SGCZ: variants seen among roughly 807,000 people sequenced by gnomAD.
The protein encoded by SGCZ is zeta-sarcoglycan.
In SGCZ, 40 loss-of-function variants were observed where a neutral mutation model predicts 41.3. The ratio of observed to expected loss-of-function variants is 0.97; its 90% CI spans 0.75 to 1.26. SGCZ has a LOEUF of 1.26. Ranked by LOEUF, SGCZ falls within the 50% of genes most tolerant of loss-of-function variation. The pLI is 0.00. For synonymous variants in SGCZ, 206 were observed against 137.5 expected (o/e 1.50, Z -3.49); for missense variants, 552 against 369.8 (o/e 1.49, Z -4.04).
intron 2 of SGCZ, among the ~76,000 whole-genome samples, chr8:14,383,079 A>T (rs922390399): frequency 3.3e-5 from 5 of 152,200 alleles, no homozygotes; most frequent in African/African-American, 1.2e-4. Context: ...GTCCCCAATC[A>T]TAAGAAGAAT....
intron 2 of SGCZ, among the ~76,000 whole-genome samples, chr8:14,364,898 AC>A (rs1374815801): frequency 6.6e-6 from 1 of 152,146 alleles, no homozygotes; most frequent in African/African-American, 2.4e-5. Flanking sequence ...TTCTTCTGAA[AC>A]TTATTTAAGA....
intron 2 of SGCZ, among the ~76,000 whole-genome samples, chr8:14,467,507 T>A (rs1381115000): frequency 5.3e-5 from 8 of 152,078 alleles, no homozygotes; most frequent in Admixed American, 5.2e-4. Flanking sequence ...TTCAGGAACA[T>A]ACAGGTGCCT....
chr8:14,217,061 G>T (rs969454230), intron 4 of SGCZ, among the ~76,000 whole-genome samples: 4 of 152,154 alleles, frequency 2.6e-5, no homozygotes, highest in African/African-American at 9.7e-5. Flanking sequence ...GCCGAGGTGG[G>T]TGGATCACGA....
intron 1 of SGCZ, among the ~76,000 whole-genome samples, chr8:14,841,419 T>C (rs1327969403): frequency 6.6e-6 from 1 of 152,154 alleles, no homozygotes; most frequent in Non-Finnish European, 1.5e-5. Context: ...GGATTCATAG[T>C]CATGGTATTT....
At chr8:14,135,467 T>C (rs1803167407) in intron 5 of SGCZ, among the ~76,000 whole-genome samples, 1 of 152,130 alleles carries the variant, frequency 6.6e-6, no homozygotes, top group East Asian at 1.9e-4. Context: ...ATAACAGGGC[T>C]TTCTCCCAGA....
At chr8:14,605,874 T>C (rs1805732813) in intron 1 of SGCZ, among the ~76,000 whole-genome samples, 1 of 152,174 alleles carries the variant, frequency 6.6e-6, no homozygotes, top group Non-Finnish European at 1.5e-5. Context: ...TGGCTCTTTG[T>C]GCTGGAATGA....
At chr8:14,325,512 T>C (rs985974805) in intron 2 of SGCZ, among the ~76,000 whole-genome samples, 2 of 147,748 alleles carry the variant, frequency 1.4e-5, no homozygotes, top group Non-Finnish European at 3.0e-5. Flanking sequence ...ATCATAATCA[T>C]ATATAATAGA....
chr8:15,023,585 A>G (rs77653670), intron 1 of SGCZ, among the ~76,000 whole-genome samples: 2,802 of 152,346 alleles, frequency 0.018, 84 homozygotes, highest in African/African-American at 0.065. Flanking sequence ...TATGTACAGC[A>G]ATTAAAACTA....
chr8:14,792,735 C>A (rs953706209), intron 1 of SGCZ, among the ~76,000 whole-genome samples: 1 of 151,968 alleles, frequency 6.6e-6, no homozygotes, highest in Non-Finnish European at 1.5e-5. Flanking sequence ...CCCCCTTTCT[C>A]TTTAAGCACC....
intron 3 of SGCZ, among the ~76,000 whole-genome samples, chr8:14,286,630 C>G (rs1800641852): frequency 6.6e-6 from 1 of 152,070 alleles, no homozygotes; most frequent in African/African-American, 2.4e-5. Context: ...ATTAACTGAT[C>G]ATTTTATTTT....
intron 1 of SGCZ, among the ~76,000 whole-genome samples, chr8:15,155,946 T>C (rs902586109): frequency 8.6e-5 from 13 of 150,556 alleles, no homozygotes; most frequent in Admixed American, 8.0e-4. Context: ...TAGTCCAAGC[T>C]ACTCGAGAGG....
chr8:14,806,125 G>T (rs1260459135), intron 1 of SGCZ, among the ~76,000 whole-genome samples: 1 of 151,946 alleles, frequency 6.6e-6, no homozygotes, highest in Non-Finnish European at 1.5e-5. Context: ...ACAAGAGAAA[G>T]CAGGAAAGAT....
At chr8:14,971,660 T>C (rs1801301562) in intron 1 of SGCZ, among the ~76,000 whole-genome samples, 1 of 148,692 alleles carries the variant, frequency 6.7e-6, no homozygotes, top group South Asian at 2.2e-4. Context: ...TTTTTTTTTT[T>C]TTTTTAATGC....
At chr8:14,139,083 G>T (rs898771792) in intron 5 of SGCZ, among the ~76,000 whole-genome samples, 1 of 152,158 alleles carries the variant, frequency 6.6e-6, no homozygotes, top group African/African-American at 2.4e-5. Context: ...ACCTGCTCCT[G>T]AATGACTACT....
intron 1 of SGCZ, among the ~76,000 whole-genome samples, chr8:15,123,389 G>A (rs1807560067): frequency 6.6e-6 from 1 of 151,836 alleles, no homozygotes; most frequent in Non-Finnish European, 1.5e-5. Context: ...CTCTTGCATT[G>A]TATCTTATAT....
At chr8:14,381,515 C>G (rs1340741354) in intron 2 of SGCZ, among the ~76,000 whole-genome samples, 1 of 151,962 alleles carries the variant, frequency 6.6e-6, no homozygotes, top group Non-Finnish European at 1.5e-5. Flanking sequence ...TGACTCATGC[C>G]TATAATCCCA....
chr8:14,294,822 G>C (rs1397895134), intron 3 of SGCZ, among the ~76,000 whole-genome samples: 1 of 152,042 alleles, frequency 6.6e-6, no homozygotes, highest in East Asian at 1.9e-4. Flanking sequence ...ATCGCTGTTA[G>C]ATGTAGGGAA....
At chr8:14,166,001 A>G (rs1395141809) in intron 4 of SGCZ, among the ~76,000 whole-genome samples, 2 of 152,158 alleles carry the variant, frequency 1.3e-5, no homozygotes, top group East Asian at 3.9e-4. Context: ...TCATCAAGAG[A>G]AAAAATAATT....
intron 5 of SGCZ, among the ~76,000 whole-genome samples, chr8:14,123,103 G>A (rs904409762): frequency 6.6e-6 from 1 of 152,150 alleles, no homozygotes; most frequent in South Asian, 2.1e-4. Flanking sequence ...TAAGAGAGAA[G>A]ATTCAAACTT....
Sources: allele counts gnomAD v4.1 joint callset (sites outside exome capture counted in the v4.1 genomes callset), GRCh38; gene constraint gnomAD v4.1.1; transcripts MANE v1.5; gene names NCBI Gene and HGNC (gene_info 2026-07-23, HGNC 2026-07-21).